Variants in ACTR2 observed in about 807,000 individuals in gnomAD.
ACTR2 encodes the protein actin related protein 2, also known as actin-related protein 2.
Under a neutral mutation model 50.2 loss-of-function variants are expected in ACTR2, and 5 were observed. That is an observed-to-expected ratio of 0.10 (90% confidence interval 0.05 to 0.21). ACTR2 has a LOEUF of 0.21. ACTR2 is among the 10% of genes least tolerant of loss of function. ACTR2 has a pLI of 1.00. For missense variants in ACTR2, 180 were observed against 480.6 expected, an observed-to-expected ratio of 0.37 and a Z score of 5.85; for synonymous variants, 140 against 162.9, an observed-to-expected ratio of 0.86 and a Z score of 1.07.
rs1672483471 is a variant in ACTR2 at position 65,270,974 on chromosome 2, A to G, written c.*2240A>G. On this transcript the variant is annotated 3_prime_UTR_variant, in exon 9 of 9. Coordinates refer to ENST00000260641, the MANE Select transcript of ACTR2 (RefSeq NM_005722.4). Reference sequence around the variant, plus strand: ...GAAACTATTGCTACTTAAATTTCCAATAATTAAAAATTTAAAATTTTTAAA... The same window carrying G: ...GAAACTATTGCTACTTAAATTTCCAGTAATTAAAAATTTAAAATTTTTAAA... The G allele has an allele frequency of 6.6e-6, 1 of 152,122 alleles. No individual in the cohort carries two copies. The highest frequency in any genetic ancestry group is 2.4e-5 in the African/African-American group (1 of 41,440). The allele number at this position is 152,122 out of a possible 1,614,324, so 9.4% of individuals were successfully genotyped here. A position where few individuals can be genotyped will look rare whatever the true frequency, so the allele number is the denominator to read the frequency against.
intron 2 of ACTR2, 110 bp downstream of exon 2, chr2:65,240,072 AAGGGGAGGGT>A (rs769829895): frequency 3.1e-4 from 216 of 693,788 alleles, no homozygotes; most frequent in Non-Finnish European, 4.3e-4. Context: ...ATGAAAAGCA[AAGGGGAGGGT>A]AGAAGTTCTC....
intron 3 of ACTR2, among the ~76,000 whole-genome samples, chr2:65,250,470 C>T (rs369211459): frequency 2.0e-5 from 3 of 151,340 alleles, no homozygotes; most frequent in South Asian, 2.1e-4. Context: ...GTCAGGAGTT[C>T]GAGACTAGCC....
chr2:65,255,159 G>A (rs935255159), intron 5 of ACTR2, among the ~76,000 whole-genome samples: 1 of 152,120 alleles, frequency 6.6e-6, no homozygotes. Context: ...AGACTTGGGG[G>A]CATTTCATAA....
intron 4 of ACTR2, 89 bp from the exon 5 acceptor site, chr2:65,253,639 T>C: frequency 7.5e-7 from 1 of 1,342,130 alleles, no homozygotes; most frequent in Non-Finnish European, 1.0e-6. Flanking sequence ...GTTACGTTTC[T>C]GTTTTGGCTT....
chr2:65,229,388 A>T (rs1671592391), intron 1 of ACTR2, among the ~76,000 whole-genome samples: 1 of 152,198 alleles, frequency 6.6e-6, no homozygotes, highest in Non-Finnish European at 1.5e-5. Flanking sequence ...GATTTGTTAC[A>T]CAATTTTACA....
In ACTR2 at chr2:65,269,063, G is replaced by A. The variant is rs1452503144; in HGVS notation, c.*329G>A. 8 of 194,286 alleles carry A rather than the reference G, an allele frequency of 4.1e-5. No individual in the cohort carries two copies. The East Asian group carries it at 5.5e-4, about 13-fold the overall frequency. The allele number at this position is 194,286 out of a possible 1,614,324, so 12.0% of individuals were successfully genotyped here. A position where few individuals can be genotyped will look rare whatever the true frequency, so the allele number is the denominator to read the frequency against. ...CTAATGCTGCTAGTCGTAGTCTTTA[G>A]CACACTAGGTGGTATGCCTTTATTA... On this transcript the variant is annotated 3_prime_UTR_variant, in exon 9 of 9. Coordinates refer to ENST00000260641, the MANE Select transcript of ACTR2 (RefSeq NM_005722.4).
chr2:65,228,131 C>A, intron 1 of ACTR2, 174 bp downstream of exon 1: 1 of 515,254 alleles, frequency 1.9e-6, no homozygotes, highest in Non-Finnish European at 3.1e-6. Context: ...CCCTGGTCTC[C>A]CTTGAGCCTG....
At position 65,268,950 on chromosome 2, in the gene ACTR2, G is replaced by C; in HGVS notation, c.*216G>C. ...TTCAACTGCTTCCCTACATAGACTA[G>C]AGGGCTAAGGATTCTGTCTGCTGCT... On this transcript the variant is annotated 3_prime_UTR_variant, in exon 9 of 9. Transcript: ENST00000260641. The C allele has an allele frequency of 2.1e-6, 1 of 481,790 alleles. No individual in the cohort carries two copies. The highest frequency in any genetic ancestry group is 2.7e-5 in the South Asian group (1 of 37,598). The allele number at this position is 481,790 out of a possible 1,614,324, so 29.8% of individuals were successfully genotyped here. A position where few individuals can be genotyped will look rare whatever the true frequency, so the allele number is the denominator to read the frequency against.
chr2:65,232,945 A>T (rs1022205367), intron 1 of ACTR2, among the ~76,000 whole-genome samples: 2 of 152,114 alleles, frequency 1.3e-5, no homozygotes, highest in Non-Finnish European at 2.9e-5. Context: ...ATGATACCAA[A>T]TGATAGTTTA....
chr2:65,243,261 A>G (rs1325520331), intron 2 of ACTR2, among the ~76,000 whole-genome samples: 5 of 152,152 alleles, frequency 3.3e-5, no homozygotes, highest in Non-Finnish European at 5.9e-5. Flanking sequence ...CCTGGGCAAG[A>G]GTGAGACTCC....
Position 65,227,969 on chromosome 2 carries a change from G to T in ACTR2, c.48+12G>T. 6.7e-7 allele frequency: 1 copy of T among 1,503,076 alleles called. No homozygotes were observed. The highest frequency in any genetic ancestry group is 8.9e-7 in the Non-Finnish European group (1 of 1,127,118). The allele number at this position is 1,503,076 out of a possible 1,614,324, so 93.1% of individuals were successfully genotyped here. The stretch of plus-strand genomic sequence containing the variant: ...ACAACGGCACCGGGGTAAGGGCCGC[G>T]CGAGGAGGCCTTGGCGGCCACAGAC... On this transcript the variant is annotated intron_variant, in intron 1 of 8. Coordinates refer to ENST00000260641, the MANE Select transcript of ACTR2 (RefSeq NM_005722.4).
intron 1 of ACTR2, among the ~76,000 whole-genome samples, chr2:65,236,686 T>TTC (rs1370900244): frequency 6.6e-6 from 1 of 152,138 alleles, no homozygotes; most frequent in Non-Finnish European, 1.5e-5. Context: ...GTTCAAGTGA[T>TTC]TCTCATACCT....
At chr2:65,243,051 C>T (rs1025982575) in intron 2 of ACTR2, among the ~76,000 whole-genome samples, 18 of 152,144 alleles carry the variant, frequency 1.2e-4, no homozygotes, top group Admixed American at 2.6e-4. Flanking sequence ...GAGGCCCAGG[C>T]GGGTGGATCA....
intron 1 of ACTR2, among the ~76,000 whole-genome samples, chr2:65,236,532 T>C (rs1337006283): frequency 6.6e-6 from 1 of 152,138 alleles, no homozygotes; most frequent in Non-Finnish European, 1.5e-5. Context: ...TTCTTGTAGA[T>C]AGTAGCTTTC....
intron 6 of ACTR2, 24 bp downstream of exon 6, chr2:65,255,718 T>A: frequency 6.3e-7 from 1 of 1,585,778 alleles, no homozygotes; most frequent in Non-Finnish European, 8.6e-7. Flanking sequence ...GTGTATAATA[T>A]ATATGTGTTT....
chr2:65,253,436 A>G (rs939627427), intron 4 of ACTR2, among the ~76,000 whole-genome samples: 16 of 150,722 alleles, frequency 1.1e-4, no homozygotes, highest in African/African-American at 3.9e-4. Flanking sequence ...ACAGAGCCAG[A>G]CCCTGTCTCA....
chr2:65,250,888 C>T lies in ACTR2; in HGVS notation c.376-139C>T, dbSNP rs142853816. On this transcript the variant is annotated intron_variant, in intron 3 of 8. Coordinates refer to ENST00000260641, the MANE Select transcript of ACTR2 (RefSeq NM_005722.4). ...GGACTTCAATAAGAAATAAGAGGAG[C>T]TGATGAAAATGGAAGACTATTTCAG... is the stretch of plus-strand genomic sequence containing the variant. 2.4e-4 allele frequency: 119 copies of T among 497,162 alleles called. No individual in the cohort carries two copies. The Middle Eastern group carries it at 3.9e-3, about 16-fold the overall frequency. 30.8% of individuals were successfully genotyped at this position (497,162 alleles called of 1,614,324 possible). A position where few individuals can be genotyped will look rare whatever the true frequency, so the allele number is the denominator to read the frequency against.
intron 1 of ACTR2, among the ~76,000 whole-genome samples, chr2:65,231,915 A>C (rs1388130034): frequency 6.6e-6 from 1 of 152,212 alleles, no homozygotes; most frequent in Non-Finnish European, 1.5e-5. Context: ...GTTGGGCCTC[A>C]TGCAGCCCGT....
intron 3 of ACTR2, 38 bp downstream of exon 3, chr2:65,246,777 G>T: frequency 7.3e-7 from 1 of 1,369,734 alleles, no homozygotes; most frequent in South Asian, 1.3e-5. Flanking sequence ...GTGTATTTCT[G>T]TGATATTATG....
Sources: gnomAD v4.1 joint callset for allele counts (sites outside exome capture counted in the v4.1 genomes callset) on GRCh38, gnomAD v4.1.1 for gene constraint, MANE v1.5 for transcripts, NCBI Gene and HGNC (gene_info 2026-07-23, HGNC 2026-07-21) for gene names.